The following CDH12 variants were observed in gnomAD, a reference collection of about 807,000 sequenced individuals.
CDH12 encodes cadherin 12, also known as cadherin-12.
CDH12 carries 41 observed loss-of-function variants against 74.1 expected under a neutral mutation model. The ratio of observed to expected loss-of-function variants is 0.55; its 90% CI spans 0.43 to 0.72. The LOEUF is 0.72. CDH12 is among the 30% of genes least tolerant of loss of function. CDH12 has a pLI of 0.00. For missense variants in CDH12, 945 were observed against 977.2 expected (o/e 0.97, Z 0.44); for synonymous variants, 399 against 355.0 (o/e 1.12, Z -1.39).
At chr5:22,221,539 C>A (rs1428008785) in intron 3 of CDH12, among the ~76,000 whole-genome samples, 3 of 151,782 alleles carry the variant, frequency 2.0e-5, no homozygotes, top group Non-Finnish European at 4.4e-5. Context: ...TGGCACTCAC[C>A]TTGAGAATTT....
chr5:22,653,691 C>T (rs1739859817), intron 1 of CDH12, among the ~76,000 whole-genome samples: 1 of 152,162 alleles, frequency 6.6e-6, no homozygotes, highest in African/African-American at 2.4e-5. Context: ...TTTAAAAATG[C>T]AAATTAGATC....
intron 6 of CDH12, among the ~76,000 whole-genome samples, chr5:21,937,667 A>G (rs532060512): frequency 6.6e-6 from 1 of 152,284 alleles, no homozygotes; most frequent in Admixed American, 6.5e-5. Context: ...TCAATCCTAT[A>G]TGTGATTTTT....
chr5:22,520,832 G>T (rs1737022137), intron 1 of CDH12, among the ~76,000 whole-genome samples: 1 of 152,108 alleles, frequency 6.6e-6, no homozygotes. Flanking sequence ...AAGGAGACGT[G>T]AACTATGTCA....
chr5:21,901,789 C>T (rs1402721438), intron 6 of CDH12, among the ~76,000 whole-genome samples: 1 of 152,112 alleles, frequency 6.6e-6, no homozygotes, highest in Non-Finnish European at 1.5e-5. Context: ...TGACAAACAA[C>T]ATCATCATCC....
intron 3 of CDH12, among the ~76,000 whole-genome samples, chr5:22,302,505 C>G (rs1026829929): frequency 2.0e-5 from 3 of 151,988 alleles, no homozygotes; most frequent in African/African-American, 7.2e-5. Flanking sequence ...GAATTTAAAC[C>G]GCTTGCAGGA....
At chr5:22,312,818 C>T (rs907813376) in intron 3 of CDH12, among the ~76,000 whole-genome samples, 5 of 152,160 alleles carry the variant, frequency 3.3e-5, no homozygotes, top group Non-Finnish European at 5.9e-5. Flanking sequence ...CTCTTTACAT[C>T]AGATGTATGG....
At chr5:22,383,864 G>T (rs1279457040) in intron 3 of CDH12, among the ~76,000 whole-genome samples, 1 of 152,000 alleles carries the variant, frequency 6.6e-6, no homozygotes, top group Non-Finnish European at 1.5e-5. Context: ...TCCCTTCTCT[G>T]GGAGGACTGT....
intron 1 of CDH12, among the ~76,000 whole-genome samples, chr5:22,562,517 A>G (rs1739100448): frequency 6.6e-6 from 1 of 152,124 alleles, no homozygotes; most frequent in Admixed American, 6.5e-5. Context: ...ATTTTCTACA[A>G]AAGAAAAGCC....
At chr5:22,506,252 A>C (rs1453647703) in intron 1 of CDH12, among the ~76,000 whole-genome samples, 1 of 151,986 alleles carries the variant, frequency 6.6e-6, no homozygotes, top group Non-Finnish European at 1.5e-5. Flanking sequence ...AAATGACACA[A>C]ATTATTTGAA....
chr5:22,256,470 C>A (rs2150390789), intron 3 of CDH12, among the ~76,000 whole-genome samples: 1 of 152,210 alleles, frequency 6.6e-6, no homozygotes, highest in Middle Eastern at 3.4e-3. Context: ...AATAATTGAT[C>A]ATGATAAGCA....
intron 6 of CDH12, among the ~76,000 whole-genome samples, chr5:21,922,938 GTATCTATATCTATATCTA>G (rs10644202): frequency 0.018 from 2,567 of 145,918 alleles, 83 homozygotes; most frequent in African/African-American, 0.062. Flanking sequence ...GTGTGTATGT[GTATCTATATCTATATCTA>G]TATCTATATC....
At chr5:22,729,349 A>G (rs1385431762) in intron 1 of CDH12, among the ~76,000 whole-genome samples, 2 of 151,766 alleles carry the variant, frequency 1.3e-5, no homozygotes, top group African/African-American at 2.4e-5. Flanking sequence ...ATCCCTCTTC[A>G]TGCTTCAAAT....
chr5:22,377,118 C>A (rs974140630), intron 3 of CDH12, among the ~76,000 whole-genome samples: 11 of 151,946 alleles, frequency 7.2e-5, no homozygotes, highest in African/African-American at 2.4e-4. Flanking sequence ...ATGATGTGCC[C>A]CCAGAGTGAA....
chr5:22,548,469 C>A (rs78093573), intron 1 of CDH12, among the ~76,000 whole-genome samples: 142 of 148,284 alleles, frequency 9.6e-4, no homozygotes, highest in African/African-American at 3.3e-3. Context: ...GATTTAAAAC[C>A]CCTAGAAAAT....
At chr5:21,900,005 C>T (rs960249398) in intron 6 of CDH12, among the ~76,000 whole-genome samples, 1 of 151,966 alleles carries the variant, frequency 6.6e-6, no homozygotes, top group East Asian at 1.9e-4. Context: ...TTTATATATA[C>T]AAATCCACAG....
chr5:22,048,902 G>T (rs986481044), intron 5 of CDH12, among the ~76,000 whole-genome samples: 1 of 152,088 alleles, frequency 6.6e-6, no homozygotes, highest in African/African-American at 2.4e-5. Flanking sequence ...TATGGTACCA[G>T]TAGTGTATGC....
At chr5:22,562,398 A>C (rs1176368558) in intron 1 of CDH12, among the ~76,000 whole-genome samples, 2 of 152,214 alleles carry the variant, frequency 1.3e-5, no homozygotes, top group African/African-American at 4.8e-5. Flanking sequence ...TAGGAATTTA[A>C]AAAAATACAA....
intron 4 of CDH12, among the ~76,000 whole-genome samples, chr5:22,200,277 AATT>A (rs1750854103): frequency 6.6e-6 from 1 of 152,178 alleles, no homozygotes; most frequent in South Asian, 2.1e-4. Context: ...TTGTTCTACC[AATT>A]ACACTTCTCT....
At chr5:22,340,784 C>T (rs1477603044) in intron 3 of CDH12, among the ~76,000 whole-genome samples, 1 of 152,136 alleles carries the variant, frequency 6.6e-6, no homozygotes, top group African/African-American at 2.4e-5. Context: ...GTAAATTTCT[C>T]TGGGAGGTTT....
Sources: allele counts gnomAD v4.1 joint callset (sites outside exome capture counted in the v4.1 genomes callset), GRCh38; gene constraint gnomAD v4.1.1; transcripts MANE v1.5; gene names NCBI Gene and HGNC (gene_info 2026-07-23, HGNC 2026-07-21).